VPS41: variants seen among roughly 807,000 people sequenced by gnomAD.
VPS41 encodes vacuolar protein sorting-associated protein 41 homolog.
In VPS41, 85 loss-of-function variants were observed where a neutral mutation model predicts 130.9. The ratio of observed to expected loss-of-function variants is 0.65; its 90% CI spans 0.55 to 0.78. The LOEUF is 0.78. VPS41 is among the 30% of genes least tolerant of loss of function. VPS41 has a pLI of 0.00. For missense variants in VPS41, 874 were observed against 1,018.7 expected, an observed-to-expected ratio of 0.86 and a Z score of 1.93; for synonymous variants, 335 against 332.9, an observed-to-expected ratio of 1.01 and a Z score of -0.07.
chr7:38,765,417 C>T (rs541209161), intron 16 of VPS41, among the ~76,000 whole-genome samples, 163 bp downstream of exon 16: 2 of 151,430 alleles, frequency 1.3e-5, no homozygotes, highest in Non-Finnish European at 2.9e-5. Context: ...TTTTTTTACA[C>T]GAGGCTTATA....
At chr7:38,829,026 A>G (rs1164412344) in intron 5 of VPS41, among the ~76,000 whole-genome samples, 1 of 152,212 alleles carries the variant, frequency 6.6e-6, no homozygotes, top group Non-Finnish European at 1.5e-5. Flanking sequence ...CACCTTTAAG[A>G]AAACAAAATG....
intron 2 of VPS41, among the ~76,000 whole-genome samples, chr7:38,875,282 T>C (rs776283323): frequency 4.6e-5 from 7 of 152,108 alleles, no homozygotes; most frequent in African/African-American, 2.4e-5. Context: ...ACATGAATAA[T>C]ATAGGACATC....
Position 38,776,659 on chromosome 7 carries a change from T to C in VPS41, c.882+20A>G. On this transcript the variant is annotated intron_variant, in intron 11 of 28. Coordinates refer to ENST00000310301, the MANE Select transcript of VPS41 (RefSeq NM_014396.4). The stretch of plus-strand genomic sequence containing the variant: ...AAGTGAACCCCCACATGCCTTTGTA[T>C]CTGGGGAGAAAATAATTACCGTTTT... The C allele has an allele frequency of 6.9e-7, 1 of 1,445,874 alleles. No homozygotes were observed. The highest frequency in any genetic ancestry group is 9.7e-7 in the Non-Finnish European group (1 of 1,027,508). 89.6% of individuals were successfully genotyped at this position (1,445,874 alleles called of 1,614,324 possible). A position where few individuals can be genotyped will look rare whatever the true frequency, so the allele number is the denominator to read the frequency against.
chr7:38,903,660 G>C (rs1368178610), intron 1 of VPS41, among the ~76,000 whole-genome samples: 2 of 152,198 alleles, frequency 1.3e-5, no homozygotes, highest in African/African-American at 4.8e-5. Flanking sequence ...ATGAGAAAGA[G>C]AGTTCTGATA....
At chr7:38,873,169 A>G (rs1175784748) in intron 2 of VPS41, among the ~76,000 whole-genome samples, 3 of 152,224 alleles carry the variant, frequency 2.0e-5, no homozygotes, top group Non-Finnish European at 4.4e-5. Context: ...CGGGGTTTCA[A>G]AAACCATAAA....
chr7:38,888,910 C>T (rs1209937440), intron 2 of VPS41, among the ~76,000 whole-genome samples: 1 of 145,362 alleles, frequency 6.9e-6, no homozygotes, highest in African/African-American at 2.5e-5. Context: ...ACTGAACAAC[C>T]TGTTCCTGAA....
At chr7:38,754,115 A>G (rs1346847832) in intron 21 of VPS41, among the ~76,000 whole-genome samples, 1 of 152,210 alleles carries the variant, frequency 6.6e-6, no homozygotes, top group East Asian at 1.9e-4. Context: ...ATCTAGAATA[A>G]CAGGCCTTAA....
At chr7:38,802,907 G>C (rs1784759783) in intron 7 of VPS41, among the ~76,000 whole-genome samples, 1 of 152,134 alleles carries the variant, frequency 6.6e-6, no homozygotes, top group South Asian at 2.1e-4. Flanking sequence ...ACAATACTAA[G>C]AGCAATTTAA....
chr7:38,734,067 C>G (rs1302501979), intron 25 of VPS41, among the ~76,000 whole-genome samples: 1 of 152,166 alleles, frequency 6.6e-6, no homozygotes, highest in East Asian at 1.9e-4. Context: ...CCAGCCTGGG[C>G]AACAAAGTAA....
Position 38,828,445 on chromosome 7 carries a change from T to C in VPS41, c.321+1809A>G, listed in dbSNP as rs1785323481. The stretch of plus-strand genomic sequence containing the variant: ...AATAACCCTAATAAATAATTATTTA[T>C]CTAGGAACCTTAACACACTGAAGAA... On this transcript the variant is annotated intron_variant, in intron 5 of 28. Coordinates refer to ENST00000310301, the MANE Select transcript of VPS41 (RefSeq NM_014396.4). Among the ~76,000 whole-genome samples, 3 of 152,116 alleles carry C rather than the reference T, an allele frequency of 2.0e-5. No individual in the cohort carries two copies. The South Asian group carries it at 6.2e-4, about 32-fold the overall frequency.
intron 2 of VPS41, among the ~76,000 whole-genome samples, chr7:38,878,967 G>A (rs376544325): frequency 6.6e-6 from 1 of 152,180 alleles, no homozygotes; most frequent in Non-Finnish European, 1.5e-5. Context: ...AATGGAAAAC[G>A]TAATAAATTG....
At chr7:38,869,814 GA>G (rs1462060106) in intron 2 of VPS41, among the ~76,000 whole-genome samples, 1 of 152,072 alleles carries the variant, frequency 6.6e-6, no homozygotes, top group Non-Finnish European at 1.5e-5. Context: ...GTGGTTTGTA[GA>G]GTCAAAAAAC....
chr7:38,889,047 T>C (rs1357025342), intron 2 of VPS41, among the ~76,000 whole-genome samples: 1 of 151,772 alleles, frequency 6.6e-6, no homozygotes, highest in Non-Finnish European at 1.5e-5. Flanking sequence ...ATGGCACTTG[T>C]ATACCTATGT....
intron 22 of VPS41, 61 bp from the exon 23 acceptor site, chr7:38,745,674 A>G: frequency 7.9e-7 from 1 of 1,269,608 alleles, no homozygotes; most frequent in Non-Finnish European, 1.1e-6. Flanking sequence ...AAACAGTAAT[A>G]AAGTCATTTA....
chr7:38,774,339 A>C (rs1784214167), intron 11 of VPS41, 95 bp from the exon 12 acceptor site: 2 of 1,186,868 alleles, frequency 1.7e-6, no homozygotes, highest in African/African-American at 3.1e-5. Context: ...GTTTCTTCTC[A>C]CACTCCTATG....
chr7:38,894,791 T>A (rs1033674526), intron 2 of VPS41, among the ~76,000 whole-genome samples: 1 of 151,904 alleles, frequency 6.6e-6, no homozygotes, highest in African/African-American at 2.4e-5. Context: ...TCCCAAGCAG[T>A]AGGCACTGGA....
intron 1 of VPS41, 45 bp from the exon 2 acceptor site, chr7:38,898,174 G>T (rs533311203): frequency 3.2e-6 from 5 of 1,549,716 alleles, no homozygotes; most frequent in Non-Finnish European, 4.5e-6. Context: ...GATGATAAAA[G>T]AATAATCATT....
chr7:38,890,443 T>C (rs1162946023), intron 2 of VPS41, among the ~76,000 whole-genome samples: 5 of 152,192 alleles, frequency 3.3e-5, no homozygotes, highest in Non-Finnish European at 2.9e-5. Context: ...GAAACTGTCC[T>C]GTATTTTCAC....
At chr7:38,828,145 A>G (rs1785316257) in intron 5 of VPS41, among the ~76,000 whole-genome samples, 1 of 152,208 alleles carries the variant, frequency 6.6e-6, no homozygotes, top group Admixed American at 6.5e-5. Flanking sequence ...TATAGTTTAC[A>G]TATGAAAGCA....
Sources: allele counts gnomAD v4.1 joint callset (sites outside exome capture counted in the v4.1 genomes callset), GRCh38; gene constraint gnomAD v4.1.1; transcripts MANE v1.5; gene names NCBI Gene and HGNC (gene_info 2026-07-23, HGNC 2026-07-21).